Variants in WWC2 observed in about 807,000 individuals in gnomAD.
The protein encoded by WWC2 is WW and C2 domain containing 2, also known as protein WWC2.
In WWC2, 101 loss-of-function variants were observed where a neutral mutation model predicts 138.5. The observed-to-expected ratio is 0.73, with a 90% CI of 0.62 to 0.86. WWC2 has a LOEUF of 0.86. Among genes scored for constraint, WWC2 ranks in the 40% least tolerant of loss-of-function variants. WWC2 has a pLI of 0.00. For synonymous variants in WWC2, 558 were observed against 538.4 expected, an observed-to-expected ratio of 1.04 and a Z score of -0.50; for missense variants, 1,420 against 1,419.4, an observed-to-expected ratio of 1.00 and a Z score of -0.01.
chr4:183,275,313 T>A (rs1737819798), intron 16 of WWC2, among the ~76,000 whole-genome samples: 1 of 152,022 alleles, frequency 6.6e-6, no homozygotes, highest in Admixed American at 6.6e-5. Context: ...TTTTCTTGCC[T>A]ATTTGCCCTG....
At chr4:183,213,399 A>G (rs1007253921) in intron 4 of WWC2, among the ~76,000 whole-genome samples, 3 of 152,164 alleles carry the variant, frequency 2.0e-5, no homozygotes, top group African/African-American at 4.8e-5. Context: ...TTAACTCATC[A>G]CTTTGGTGTT....
chr4:183,305,810 A>G (rs1413082751), intron 21 of WWC2, among the ~76,000 whole-genome samples: 2 of 152,232 alleles, frequency 1.3e-5, no homozygotes, highest in Non-Finnish European at 2.9e-5. Context: ...ACATGGATCT[A>G]TGTAAACAAA....
At chr4:183,291,073 A>T (rs1738436807) in intron 21 of WWC2, among the ~76,000 whole-genome samples, 1 of 152,238 alleles carries the variant, frequency 6.6e-6, no homozygotes, top group African/African-American at 2.4e-5. Context: ...CTCAGTGTGG[A>T]GTTTAATGTT....
chr4:183,312,753 C>T (rs1000615694), intron 22 of WWC2, among the ~76,000 whole-genome samples: 6 of 152,220 alleles, frequency 3.9e-5, no homozygotes, highest in Admixed American at 3.9e-4. Context: ...TACAAAGGTA[C>T]AGAAAACTCA....
chr4:183,271,181 T>C lies in WWC2; in HGVS notation c.2502T>C (p.Asn834=). 3.7e-6 allele frequency: 6 copies of C among 1,613,178 alleles called. No individual in the cohort carries two copies. The highest frequency in any genetic ancestry group is 5.1e-6 in the Non-Finnish European group (6 of 1,179,554). Residue 834 remains asparagine, a synonymous_variant, in exon 16 of 23, where the codon AAT becomes AAC. Transcript: ENST00000403733. ...CCAAGCAAATGCCTTGCAAAAAGAA[T>C]GAAGAAAATGAGGACTCTGTATTTC... ...LPSKQMPCKK[N]EENEDSVFQP... is the part of the protein sequence containing the mutation.
At chr4:183,181,489 T>C (rs1225262144) in intron 1 of WWC2, among the ~76,000 whole-genome samples, 1 of 152,216 alleles carries the variant, frequency 6.6e-6, no homozygotes, top group African/African-American at 2.4e-5. Context: ...ATTCATGGTG[T>C]ATAAACAGAT....
At chr4:183,157,486 G>A (rs1285335976) in intron 1 of WWC2, among the ~76,000 whole-genome samples, 5 of 152,056 alleles carry the variant, frequency 3.3e-5, no homozygotes, top group African/African-American at 4.8e-5. Flanking sequence ...AAGGACTTGT[G>A]TGTCACTCAA....
chr4:183,225,506 T>G (rs1736043496), intron 4 of WWC2, among the ~76,000 whole-genome samples: 1 of 152,158 alleles, frequency 6.6e-6, no homozygotes, highest in Admixed American at 6.5e-5. Flanking sequence ...GACCAGTAAT[T>G]TAAACATGAA....
intron 1 of WWC2, among the ~76,000 whole-genome samples, chr4:183,123,458 C>T (rs1454125994): frequency 6.7e-6 from 1 of 149,932 alleles, no homozygotes; most frequent in African/African-American, 2.4e-5. Context: ...TTTAAAACCC[C>T]ACAAAACTAA....
intron 4 of WWC2, among the ~76,000 whole-genome samples, chr4:183,229,127 T>C (rs1736164008): frequency 6.6e-6 from 1 of 152,090 alleles, no homozygotes; most frequent in Non-Finnish European, 1.5e-5. Context: ...TTTCTTCAGC[T>C]GTTGGCCATT....
chr4:183,263,723 G>GCA (rs1169354295), intron 11 of WWC2, among the ~76,000 whole-genome samples: 2 of 152,178 alleles, frequency 1.3e-5, no homozygotes, highest in Non-Finnish European at 2.9e-5. Context: ...TTGCACCACT[G>GCA]CACTCCAGCC....
chr4:183,310,902 T>C (rs1739191433), intron 21 of WWC2, among the ~76,000 whole-genome samples: 1 of 150,636 alleles, frequency 6.6e-6, no homozygotes, highest in Non-Finnish European at 1.5e-5. Context: ...ATGTGTTGGG[T>C]ACTGCTCTGA....
At chr4:183,240,355 C>A in intron 5 of WWC2, 93 bp downstream of exon 5, 1 of 996,262 alleles carries the variant, frequency 1.0e-6, no homozygotes, top group Non-Finnish European at 1.4e-6. Flanking sequence ...TAAGCGATTT[C>A]TTAAAGAAAC....
At chr4:183,133,550 G>A (rs1295615320) in intron 1 of WWC2, among the ~76,000 whole-genome samples, 5 of 152,084 alleles carry the variant, frequency 3.3e-5, no homozygotes, top group Non-Finnish European at 7.4e-5. Flanking sequence ...AGGCTGGAGT[G>A]CAATGGTGCG....
At chr4:183,276,234 C>A (rs1376046366) in intron 16 of WWC2, among the ~76,000 whole-genome samples, 1 of 151,970 alleles carries the variant, frequency 6.6e-6, no homozygotes, top group East Asian at 1.9e-4. Context: ...TACTTATAAG[C>A]AGTATGTAGT....
chr4:183,224,802 C>T (rs1352383394), intron 4 of WWC2, among the ~76,000 whole-genome samples: 2 of 152,172 alleles, frequency 1.3e-5, no homozygotes, highest in African/African-American at 4.8e-5. Context: ...CTCAAGTGAT[C>T]TGCCTGCCTC....
intron 21 of WWC2, among the ~76,000 whole-genome samples, chr4:183,297,066 C>G (rs1337367691): frequency 6.6e-6 from 1 of 152,136 alleles, no homozygotes; most frequent in South Asian, 2.1e-4. Context: ...CCTCAACCTC[C>G]CAGGTTCAAG....
rs11132173 is a variant in WWC2 at position 183,280,756 on chromosome 4, G to A, written c.2563-20G>A. 615,031 of 1,587,410 alleles carry A rather than the reference G, an allele frequency of 0.39. 121,350 individuals are homozygous for A. Among genetic ancestry groups the A allele is most frequent in the Admixed American group, 0.48 (26,566 of 55,532 alleles). On this transcript the variant is annotated intron_variant, in intron 16 of 22. Transcript: ENST00000403733. Reference sequence around the variant, plus strand: ...TTTCAAGTATATTATGTTAATTGCCGTATGCTTTACATTCTTCAGGATGCA... The same window carrying A: ...TTTCAAGTATATTATGTTAATTGCCATATGCTTTACATTCTTCAGGATGCA...
At chr4:183,154,002 C>CAAAAAAA (rs35002790) in intron 1 of WWC2, among the ~76,000 whole-genome samples, 4 of 71,642 alleles carry the variant, frequency 5.6e-5, no homozygotes, top group Non-Finnish European at 9.6e-5. Context: ...CTTTAAAAAG[C>CAAAAAAA]AAAAAAAAAA....
Sources: gnomAD v4.1 joint callset for allele counts (sites outside exome capture counted in the v4.1 genomes callset) on GRCh38, gnomAD v4.1.1 for gene constraint, MANE v1.5 for transcripts, NCBI Gene and HGNC (gene_info 2026-07-23, HGNC 2026-07-21) for gene names.